PCNX2: variants seen among roughly 807,000 people sequenced by gnomAD.
PCNX2 encodes pecanex 2, also known as pecanex-like protein 2.
PCNX2 carries 168 observed loss-of-function variants against 223.8 expected under a neutral mutation model. The observed-to-expected ratio is 0.75, with a 90% CI of 0.66 to 0.85. The LOEUF is 0.85. Among genes scored for constraint, PCNX2 ranks in the 40% least tolerant of loss-of-function variants. The pLI is 0.00. For synonymous variants in PCNX2, 1,006 were observed against 1,052.6 expected, an observed-to-expected ratio of 0.96 and a Z score of 0.86; for missense variants, 2,507 against 2,675.5, an observed-to-expected ratio of 0.94 and a Z score of 1.39.
At chr1:233,311,330 A>T in the PCNX2 span, among the ~76,000 whole-genome samples, 23 of 152,342 alleles carry the variant, frequency 1.5e-4, no homozygotes, top group East Asian at 1.5e-3. Context: ...GCCTGGAAAG[A>T]TGGAGACCCA....
Position 233,295,358 on chromosome 1 carries a change from A to G in PCNX2, c.121T>C (p.Phe41Leu). Residue 41 changes from phenylalanine (F) to leucine (L), a missense_variant, in exon 1 of 34, where the codon TTC (phenylalanine) becomes CTC (leucine). This residue lies in a region of PCNX2 where 1,031 missense variants were observed against 1,021.7 expected (regional missense o/e 1.01). Transcript: ENST00000258229. The surrounding 1 kb of genome is among the most constrained non-coding windows in gnomAD (Gnocchi z 4.1). ...TNSCHLYLWL[F>L]LLLLPLALHL... ...AGGGCCAGGGGCAGCAGCAGGAGGA[A>G]CAGCCACAGGTAGAGGTGGCAGCTG... 6.4e-7 allele frequency: 1 copy of G among 1,570,182 alleles called. No homozygotes were observed. Among genetic ancestry groups the G allele is most frequent in the Non-Finnish European group, 8.6e-7 (1 of 1,157,366 alleles).
chr1:233,162,240 C>T (rs980270510), intron 17 of PCNX2, among the ~76,000 whole-genome samples: 1 of 152,062 alleles, frequency 6.6e-6, no homozygotes, highest in Non-Finnish European at 1.5e-5. Context: ...CTAAAGCAAA[C>T]AGGAGGAACC....
intron 5 of PCNX2, among the ~76,000 whole-genome samples, chr1:233,256,716 T>G (rs1659752602): frequency 6.6e-6 from 1 of 152,184 alleles, no homozygotes; most frequent in African/African-American, 2.4e-5. Context: ...AGCCTAGAGG[T>G]ATGAATCTTT....
chr1:233,129,294 C>A (rs1676297778), intron 21 of PCNX2, among the ~76,000 whole-genome samples: 1 of 152,214 alleles, frequency 6.6e-6, no homozygotes, highest in Admixed American at 6.5e-5. Context: ...GCAGTGCCAG[C>A]CCACCGGTGC....
intron 10 of PCNX2, among the ~76,000 whole-genome samples, chr1:233,222,202 A>C (rs1261632431): frequency 6.6e-6 from 1 of 152,194 alleles, no homozygotes; most frequent in Non-Finnish European, 1.5e-5. Context: ...CTTGAAAGAC[A>C]AAAGGAAGGC....
At chr1:233,174,162 A>G (rs1214862729) in intron 17 of PCNX2, among the ~76,000 whole-genome samples, 1 of 145,126 alleles carries the variant, frequency 6.9e-6, no homozygotes, top group African/African-American at 2.5e-5. Flanking sequence ...TATTTTATAT[A>G]TTATATAGTA....
chr1:233,043,195 C>G (rs192657248), intron 25 of PCNX2, among the ~76,000 whole-genome samples: 52 of 152,296 alleles, frequency 3.4e-4, no homozygotes, highest in African/African-American at 1.2e-3. Flanking sequence ...TAGAAATAAA[C>G]TAACCCATCA....
chr1:233,235,960 ATATATATATAT>A (rs1658378611), intron 9 of PCNX2, among the ~76,000 whole-genome samples: 2 of 92,634 alleles, frequency 2.2e-5, no homozygotes, highest in Admixed American at 1.1e-4. Context: ...AAAAAAAAAT[ATATATATATAT>A]ATATATATAT....
chr1:233,264,576 C>G (rs1192207676), intron 1 of PCNX2, among the ~76,000 whole-genome samples: 2 of 152,132 alleles, frequency 1.3e-5, no homozygotes, highest in Non-Finnish European at 2.9e-5. Context: ...GAGATTTTCA[C>G]CATCACTTAA....
intron 31 of PCNX2, among the ~76,000 whole-genome samples, chr1:232,998,811 C>T (rs764853297): frequency 3.3e-5 from 5 of 152,152 alleles, no homozygotes; most frequent in Non-Finnish European, 7.4e-5. Flanking sequence ...TTCTTGCTAA[C>T]AGATGTGGAA....
intron 23 of PCNX2, among the ~76,000 whole-genome samples, chr1:233,080,516 C>T (rs1673309742): frequency 6.6e-6 from 1 of 152,064 alleles, no homozygotes; most frequent in African/African-American, 2.4e-5. Flanking sequence ...AAATATGTTG[C>T]TCCAGTTCTG....
chr1:233,076,569 GTT>G (rs1558208852), intron 23 of PCNX2, among the ~76,000 whole-genome samples: 1 of 152,162 alleles, frequency 6.6e-6, no homozygotes, highest in Non-Finnish European at 1.5e-5. Flanking sequence ...ACACAGCAAC[GTT>G]TCTTGCTCAG....
At chr1:233,044,552 G>T (rs1293656683) in intron 25 of PCNX2, among the ~76,000 whole-genome samples, 1 of 152,036 alleles carries the variant, frequency 6.6e-6, no homozygotes, top group Non-Finnish European at 1.5e-5. Context: ...GAACTCAAGA[G>T]CAGTGGGGGC....
chr1:233,052,190 G>A lies in PCNX2; in HGVS notation c.4351+2078C>T, dbSNP rs532678468. The stretch of plus-strand genomic sequence containing the variant: ...TACCACTCTAGAAAAAAAATATTTC[G>A]TAAACATTTATTTAGGAATGTGAAA... On this transcript the variant is annotated intron_variant, in intron 25 of 33. Coordinates refer to ENST00000258229, the MANE Select transcript of PCNX2 (RefSeq NM_014801.4). 1.1e-4 allele frequency among the ~76,000 whole-genome samples: 17 copies of A among 152,182 alleles called. No individual in the cohort carries two copies. In the South Asian group the frequency reaches 2.7e-3, roughly 24 times the overall value.
At position 233,095,862 on chromosome 1, in the gene PCNX2, A is replaced by AG; in HGVS notation, c.3838dup (p.Leu1280ProfsTer86). ...CTGTAACTTGTGAAGCAGGTCCCCG[A>AG]GCTGAAAGTAAAAGAAAAAAAATTC... On this transcript the variant is annotated frameshift_variant and splice_region_variant, in exon 22 of 34. Coordinates refer to ENST00000258229, the MANE Select transcript of PCNX2 (RefSeq NM_014801.4). LOFTEE classifies it high-confidence loss of function. 6.2e-7 allele frequency: 1 copy of AG among 1,601,806 alleles called. No homozygotes were observed. Among genetic ancestry groups the AG allele is most frequent in the Non-Finnish European group, 8.5e-7 (1 of 1,173,334 alleles).
upstream of PCNX2, among the ~76,000 whole-genome samples, chr1:233,297,561 G>A (rs1662192231): frequency 6.6e-6 from 1 of 152,148 alleles, no homozygotes; most frequent in Non-Finnish European, 1.5e-5. Flanking sequence ...TAGCTCTCAA[G>A]GCATGTAAGT....
chr1:233,138,639 G>C (rs1676942460), intron 20 of PCNX2, among the ~76,000 whole-genome samples: 1 of 152,178 alleles, frequency 6.6e-6, no homozygotes, highest in Admixed American at 6.5e-5. Flanking sequence ...TAAGGGGTCT[G>C]AAGTCCAATC....
At chr1:233,053,102 A>T (rs528617231) in intron 25 of PCNX2, among the ~76,000 whole-genome samples, 2 of 152,160 alleles carry the variant, frequency 1.3e-5, no homozygotes, top group South Asian at 4.2e-4. Context: ...GAGAGGGTCA[A>T]CCATTCCCTC....
Position 233,179,194 on chromosome 1 carries a change from T to C in PCNX2, c.3067-19A>G. ...ACGGTTCCTAAAGAAAAGACATCAG[T>C]TAGCCAAGTCACTCCACAGCTGTGT... On this transcript the variant is annotated intron_variant, in intron 15 of 33. Coordinates refer to ENST00000258229, the MANE Select transcript of PCNX2 (RefSeq NM_014801.4). 1 of 1,612,138 alleles carries C rather than the reference T, an allele frequency of 6.2e-7. No individual in the cohort carries two copies. Among genetic ancestry groups the C allele is most frequent in the Non-Finnish European group, 8.5e-7 (1 of 1,178,552 alleles).
Sources: allele counts gnomAD v4.1 joint callset (sites outside exome capture counted in the v4.1 genomes callset), GRCh38; gene constraint gnomAD v4.1.1; regional missense constraint gnomAD v4.1.1; non-coding constraint Gnocchi (gnomAD v3.1); transcripts MANE v1.5; gene names NCBI Gene and HGNC (gene_info 2026-07-23, HGNC 2026-07-21).